The following DHX36 variants were observed in gnomAD, a reference collection of about 807,000 sequenced individuals.
The protein encoded by DHX36 is ATP-dependent DNA/RNA helicase DHX36.
DHX36 carries 50 observed loss-of-function variants against 139.0 expected under a neutral mutation model. The ratio of observed to expected loss-of-function variants is 0.36; its 90% CI spans 0.29 to 0.46. DHX36 has a LOEUF of 0.46. Ranked by LOEUF, DHX36 falls within the 20% of genes least tolerant of loss-of-function variation. The pLI is 1.00. For synonymous variants in DHX36, 425 were observed against 401.9 expected (o/e 1.06, Z -0.69); for missense variants, 1,024 against 1,211.3 (o/e 0.85, Z 2.29).
At chr3:154,279,285 A>T (rs760372025) in intron 22 of DHX36, 6 of 152,250 alleles carry the variant, frequency 3.9e-5, no homozygotes, top group Non-Finnish European at 8.8e-5. Flanking sequence ...CAACAAAAAA[A>T]GGACAAAAAC....
chr3:154,292,553 T>G lies in DHX36; in HGVS notation c.1812A>C (p.Gly604=). ...ANAKQRKGRA[G]RVQPGHCYHL... ...TTTGGACAGAGTTCCCACCTTACCT[T>G]CCAGCTCGACCTTTTCTCTGTTTGG... is the stretch of plus-strand genomic sequence containing the variant. The change falls in exon 15 of 25, where the codon GGA becomes GGC. Residue 604 remains glycine (G), a splice_region_variant and synonymous_variant. Transcript: ENST00000496811. 1 of 1,614,072 alleles carries G rather than the reference T, an allele frequency of 6.2e-7. No individual in the cohort carries two copies. The highest frequency in any genetic ancestry group is 1.3e-5 in the African/African-American group (1 of 75,036).
chr3:154,315,794 G>C (rs1559960087), intron 2 of DHX36, among the ~76,000 whole-genome samples: 1 of 152,014 alleles, frequency 6.6e-6, no homozygotes, highest in Non-Finnish European at 1.5e-5. Context: ...GACAGGTAGG[G>C]AGAACAATAA....
Position 154,303,393 on chromosome 3 carries a change from G to A in DHX36, c.1153C>T (p.His385Tyr). 6.2e-7 allele frequency: 1 copy of A among 1,604,770 alleles called. No homozygotes were observed. The highest frequency in any genetic ancestry group is 8.5e-7 in the Non-Finnish European group (1 of 1,176,384). ...ACCGGAAAGGTAAAACCAGGTATAT[G>A]TATCATTGGACAGTTACCTATTACG... The part of the protein sequence containing the change: ...SEYFGNCPMI[H>Y]IPGFTFPVVE... Residue 385 changes from histidine (H) to tyrosine (Y), a missense_variant, in exon 9 of 25, where the codon CAT becomes TAT. Physicochemically the swap from His to Tyr is moderately conservative, Grantham distance 83. Transcript: ENST00000496811.
intron 1 of DHX36, 104 bp from the exon 2 acceptor site, chr3:154,316,267 A>T: frequency 7.1e-7 from 1 of 1,413,134 alleles, no homozygotes; most frequent in Non-Finnish European, 9.7e-7. Flanking sequence ...ATGTTCAACA[A>T]ATACATATAA....
intron 20 of DHX36, among the ~76,000 whole-genome samples, 178 bp from the exon 21 acceptor site, chr3:154,281,040 T>C (rs1719318554): frequency 1.3e-5 from 2 of 152,304 alleles, no homozygotes; most frequent in Middle Eastern, 3.4e-3. Flanking sequence ...AATAACATTT[T>C]ATTGGAACAC....
In DHX36 at chr3:154,316,115, A is replaced by G. The variant is rs755790344; in HGVS notation, c.292T>C (p.Leu98=). ...DERREEQIVQ[L]LNSVQAKNDK... ...TTCTTCGCTTGAACAGAATTCAGTAACTGTACAATTTGTTCTTCTCGTCGT... is the reference window on the plus strand; with the variant it reads ...TTCTTCGCTTGAACAGAATTCAGTAGCTGTACAATTTGTTCTTCTCGTCGT... Residue 98 remains leucine, a synonymous_variant, in exon 2 of 25, where the codon TTA becomes CTA. Transcript: ENST00000496811. 6 of 1,613,310 alleles carry G rather than the reference A, an allele frequency of 3.7e-6. No homozygotes were observed. The highest frequency in any genetic ancestry group is 5.1e-6 in the Non-Finnish European group (6 of 1,179,530).
In DHX36 at chr3:154,275,486, G is replaced by C. The variant is rs1719120414; in HGVS notation, c.*685C>G. On this transcript the variant is annotated 3_prime_UTR_variant, in exon 25 of 25. Transcript: ENST00000496811. The stretch of plus-strand genomic sequence containing the variant: ...GATAAGGAAAAAGGAGAGAAGCCAA[G>C]ACACTGACTAACTGACAGAGCTGAG... 6.6e-6 allele frequency: 1 copy of C among 152,470 alleles called. No homozygotes were observed. Among genetic ancestry groups the C allele is most frequent in the Non-Finnish European group, 1.5e-5 (1 of 68,050 alleles). The allele number at this position is 152,470 out of a possible 1,614,324, so 9.4% of individuals were successfully genotyped here. A position where few individuals can be genotyped will look rare whatever the true frequency, so the allele number is the denominator to read the frequency against.
chr3:154,277,987 T>C (rs1490690984), intron 22 of DHX36: 1 of 247,758 alleles, frequency 4.0e-6, no homozygotes, highest in East Asian at 8.0e-5. Context: ...CTTGCAGGTA[T>C]AATTACTCAA....
chr3:154,324,254 C>T lies in DHX36; in HGVS notation c.163G>A (p.Gly55Arg), dbSNP rs200451346. The T allele has an allele frequency of 6.2e-7, 1 of 1,613,644 alleles. No homozygotes were observed. Among genetic ancestry groups the T allele is most frequent in the South Asian group, 1.1e-5 (1 of 91,010 alleles). Residue 55 changes from glycine to arginine, a missense_variant, in exon 1 of 25, where the codon GGG becomes AGG. Transcript: ENST00000496811. ...CCGATTTCGCGGCCTTTCAGGTGCC[C>T]GGGATGCCGGCCCCTGCCGCCTCGA... ...GGRGGRGRHP[G>R]HLKGREIGMW...
intron 20 of DHX36, among the ~76,000 whole-genome samples, chr3:154,282,558 C>T (rs542293162): frequency 2.0e-5 from 3 of 151,540 alleles, no homozygotes; most frequent in East Asian, 1.9e-4. Context: ...CCTTTCCTTC[C>T]GAATTGTGGT....
chr3:154,306,888 C>T (rs1032559515), intron 5 of DHX36, among the ~76,000 whole-genome samples: 5 of 151,820 alleles, frequency 3.3e-5, no homozygotes, highest in Non-Finnish European at 1.5e-5. Context: ...ACAAGTAAAA[C>T]TTTCCAATAA....
chr3:154,292,714 A>G lies in DHX36; in HGVS notation c.1671-20T>C, dbSNP rs761261091. ...GTAATGCTGTTTGGAAAACAGATAT[A>G]TAAAATGTTAAAACACACACACACA... On this transcript the variant is annotated intron_variant, in intron 14 of 24. Transcript: ENST00000496811. 1.2e-6 allele frequency: 2 copies of G among 1,600,304 alleles called. No individual in the cohort carries two copies. The highest frequency in any genetic ancestry group is 1.7e-6 in the Non-Finnish European group (2 of 1,177,014).
At chr3:154,288,240 C>G (rs1429816366) in intron 17 of DHX36, among the ~76,000 whole-genome samples, 1 of 150,394 alleles carries the variant, frequency 6.6e-6, no homozygotes, top group African/African-American at 2.4e-5. Flanking sequence ...GTGAAATAAT[C>G]CAGAGCTCTG....
At chr3:154,310,654 T>C (rs1160199797) in intron 4 of DHX36, among the ~76,000 whole-genome samples, 2 of 149,740 alleles carry the variant, frequency 1.3e-5, no homozygotes, top group Non-Finnish European at 3.0e-5. Flanking sequence ...GGTGGGTGCC[T>C]GTAACCCCAG....
At position 154,295,330 on chromosome 3, in the gene DHX36, A is replaced by C; in HGVS notation, c.1559T>G (p.Leu520Ter). 6.6e-7 allele frequency: 1 copy of C among 1,518,714 alleles called. No homozygotes were observed. Among genetic ancestry groups the C allele is most frequent in the Non-Finnish European group, 9.0e-7 (1 of 1,116,902 alleles). 94.1% of individuals were successfully genotyped at this position (1,518,714 alleles called of 1,614,324 possible). A position where few individuals can be genotyped will look rare whatever the true frequency, so the allele number is the denominator to read the frequency against. ...SQVMFKSDKF[L>*]IIPLHSLMPT... Reference sequence around the variant, plus strand: ...CATCAGTGAATGTAAAGGTATAATTAAAAATTTATCTGAAAATTAAAGAGA... The same window carrying C: ...CATCAGTGAATGTAAAGGTATAATTCAAAATTTATCTGAAAATTAAAGAGA... The change falls in exon 13 of 25, where the codon TTA becomes TGA. Residue 520 changes from leucine (L) to a stop codon, truncating the protein, a stop_gained. Coordinates refer to ENST00000496811, the MANE Select transcript of DHX36 (RefSeq NM_020865.3). LOFTEE classifies it high-confidence loss of function.
intron 1 of DHX36, among the ~76,000 whole-genome samples, chr3:154,318,258 G>A (rs564104838): frequency 6.6e-6 from 1 of 152,144 alleles, no homozygotes; most frequent in East Asian, 1.9e-4. Context: ...TTTTTGAAGT[G>A]AAAATGAGTG....
At position 154,309,894 on chromosome 3, in the gene DHX36, G is replaced by A. The variant is rs915032279; in HGVS notation, c.643-71C>T. 9.4e-5 allele frequency: 113 copies of A among 1,207,636 alleles called. 1 individual carries two copies. In the South Asian group the frequency reaches 1.2e-3, roughly 12 times the overall value. The allele number at this position is 1,207,636 out of a possible 1,614,324, so 74.8% of individuals were successfully genotyped here. A position where few individuals can be genotyped will look rare whatever the true frequency, so the allele number is the denominator to read the frequency against. On this transcript the variant is annotated intron_variant, in intron 4 of 24. Transcript: ENST00000496811. Reference sequence around the variant, plus strand: ...TGAAAAAAGATATTAATCAAAATTCGACCAAACTGAACATAGCTATTTTTA... The same window carrying A: ...TGAAAAAAGATATTAATCAAAATTCAACCAAACTGAACATAGCTATTTTTA...
At chr3:154,305,789 C>A (rs1026546325) in intron 6 of DHX36, among the ~76,000 whole-genome samples, 3 of 152,076 alleles carry the variant, frequency 2.0e-5, no homozygotes, top group African/African-American at 7.2e-5. Flanking sequence ...TAAATTAAAA[C>A]ATAAAAAGGC....
At chr3:154,311,135 T>A (rs929912563) in intron 4 of DHX36, among the ~76,000 whole-genome samples, 1 of 151,098 alleles carries the variant, frequency 6.6e-6, no homozygotes, top group African/African-American at 2.4e-5. Flanking sequence ...TGGTAACAAG[T>A]GCTATGAAAA....
Sources: allele counts gnomAD v4.1 joint callset (sites outside exome capture counted in the v4.1 genomes callset), GRCh38; gene constraint gnomAD v4.1.1; transcripts MANE v1.5; gene names NCBI Gene and HGNC (gene_info 2026-07-23, HGNC 2026-07-21).